NRXN2: variants seen among roughly 807,000 people sequenced by gnomAD.
The protein encoded by NRXN2 is neurexin 2, also known as neurexin-2-beta.
A neutral mutation model predicts 128.8 loss-of-function variants in NRXN2; 29 were observed. The ratio of observed to expected loss-of-function variants is 0.23; its 90% CI spans 0.17 to 0.31. The LOEUF (loss-of-function observed/expected upper bound fraction) is 0.31, where lower values mean the gene tolerates loss of function less well. Among genes scored for constraint, NRXN2 ranks in the 10% least tolerant of loss-of-function variants. The pLI, the probability that NRXN2 is intolerant of heterozygous loss-of-function variation, is 1.00. For synonymous variants in NRXN2, 1,098 were observed against 1,075.2 expected, an observed-to-expected ratio of 1.02 and a Z score of -0.41; for missense variants, 1,881 against 2,452.6, an observed-to-expected ratio of 0.77 and a Z score of 4.92.
At position 64,690,887 on chromosome 11, in the gene NRXN2, A is replaced by C. The variant is rs544243904; in HGVS notation, c.779-411T>G. ...CTCCATGAGGCACATTCTCCCCACCACTCTGCACCTTTGCTCACACCCTTT... is the reference window on the plus strand; with the variant it reads ...CTCCATGAGGCACATTCTCCCCACCCCTCTGCACCTTTGCTCACACCCTTT... On this transcript the variant is annotated intron_variant, in intron 4 of 22. Coordinates refer to ENST00000265459, the MANE Select transcript of NRXN2 (RefSeq NM_015080.4). Among the ~76,000 whole-genome samples the C allele has an allele frequency of 1.1e-4, 16 of 150,806 alleles. No homozygotes were observed. In the East Asian group the frequency reaches 2.9e-3, roughly 28 times the overall value.
In NRXN2 at chr11:64,607,391, G is replaced by A; in HGVS notation, c.4944C>T (p.Leu1648=). The A allele has an allele frequency of 6.2e-7, 1 of 1,612,866 alleles. No individual in the cohort carries two copies. The highest frequency in any genetic ancestry group is 8.5e-7 in the Non-Finnish European group (1 of 1,179,886). The change falls in exon 23 of 23, where the codon CTC becomes CTT. Residue 1648 remains leucine (L), a synonymous_variant. Coordinates refer to ENST00000265459, the MANE Select transcript of NRXN2 (RefSeq NM_015080.4). ...TGGCGTAGAGGAGGATGAGGATGCA[G>A]AGCGCCGCCGCCGCCACAATGCCCA... ...MVVGIVAAAA[L]CILILLYAMY... is the part of the protein sequence containing the mutation.
Position 64,651,751 on chromosome 11 carries a change from A to T in NRXN2, c.2537-115T>A, listed in dbSNP as rs2047485099. On this transcript the variant is annotated intron_variant, in intron 13 of 22. Transcript: ENST00000265459. This position sits in a 1 kb window ranked among gnomAD's most constrained non-coding sequence, Gnocchi z 5.9. ...CCACCCATGAGTGACATCTTTAGAG[A>T]TGTCCTCGGCTAGGCACTAGCAGCC... 2 of 1,211,902 alleles carry T rather than the reference A, an allele frequency of 1.7e-6. No individual in the cohort carries two copies. Among genetic ancestry groups the T allele is most frequent in the Non-Finnish European group, 2.3e-6 (2 of 851,290 alleles). 75.1% of individuals were successfully genotyped at this position (1,211,902 alleles called of 1,614,324 possible). A position where few individuals can be genotyped will look rare whatever the true frequency, so the allele number is the denominator to read the frequency against.
At chr11:64,655,354 T>G in intron 11 of NRXN2, among the ~76,000 whole-genome samples, 1 of 151,052 alleles carries the variant, frequency 6.6e-6, no homozygotes, top group Non-Finnish European at 1.5e-5. Context: ...AGGAATGAGG[T>G]AGAGAGAGTG....
chr11:64,630,293 T>C lies in NRXN2; in HGVS notation c.3757+109A>G. ...TCCAGTAGCCCCGCCCCAGAGCCGCTTAGCCCCGCCCCAGAGCCGCTTAGC... is the reference window on the plus strand; with the variant it reads ...TCCAGTAGCCCCGCCCCAGAGCCGCCTAGCCCCGCCCCAGAGCCGCTTAGC... On this transcript the variant is annotated intron_variant, in intron 19 of 22. Transcript: ENST00000265459. This position sits in a 1 kb window ranked among gnomAD's most constrained non-coding sequence, Gnocchi z 4.6. 2.8e-6 allele frequency: 3 copies of C among 1,064,600 alleles called. No homozygotes were observed. 65.9% of individuals were successfully genotyped at this position (1,064,600 alleles called of 1,614,324 possible).
chr11:64,713,513 G>C lies in NRXN2; in HGVS notation c.187C>G (p.Arg63Gly). The change falls in exon 2 of 23, where the codon CGC becomes GGC. Residue 63 changes from arginine to glycine, a missense_variant. Arg to Gly is a moderately radical substitution (Grantham distance 125). Coordinates refer to ENST00000265459, the MANE Select transcript of NRXN2 (RefSeq NM_015080.4). ...TCGTCCAGGTAGAGCAGCAGCGCGC[G>C]CGTGGCGTTGGTGCGCAGGCTGAAG... is the stretch of plus-strand genomic sequence containing the variant. The part of the protein sequence containing the change: ...LSFSLRTNAT[R>G]ALLLYLDDGG... The C allele has an allele frequency of 6.6e-7, 1 of 1,514,290 alleles. No homozygotes were observed. The highest frequency in any genetic ancestry group is 8.8e-7 in the Non-Finnish European group (1 of 1,139,644). 93.8% of individuals were successfully genotyped at this position (1,514,290 alleles called of 1,614,324 possible).
chr11:64,687,939 T>C (rs2053284876), intron 5 of NRXN2, among the ~76,000 whole-genome samples: 2 of 151,940 alleles, frequency 1.3e-5, no homozygotes, highest in Admixed American at 1.3e-4. Context: ...ACCAGGGGGC[T>C]CAAGGACCAG....
Position 64,648,243 on chromosome 11 carries a change from A to T in NRXN2, c.3379T>A (p.Tyr1127Asn). The change falls in exon 17 of 23, where the codon TAT (tyrosine) becomes AAT (asparagine). Residue 1127 changes from tyrosine (Y) to asparagine (N), a missense_variant. Tyr to Asn is a moderately radical substitution (Grantham distance 143). This residue lies in a region of NRXN2 where 390 missense variants were observed against 599.6 expected (regional missense o/e 0.65). Coordinates refer to ENST00000265459, the MANE Select transcript of NRXN2 (RefSeq NM_015080.4). The surrounding 1 kb of genome is among the most constrained non-coding windows in gnomAD (Gnocchi z 4.1). ...GFTCDCTMTS[Y>N]GGPVCNDPGT... is the part of the protein sequence containing the mutation. ...CGATCATTGCAGACAGGGCCTCCAT[A>T]GGAAGTCATGGTGCAGTCGCAGGTG... The T allele has an allele frequency of 6.2e-7, 1 of 1,614,212 alleles. No homozygotes were observed. Among genetic ancestry groups the T allele is most frequent in the South Asian group, 1.1e-5 (1 of 91,090 alleles).
chr11:64,701,474 C>T (rs2055342896), intron 2 of NRXN2, among the ~76,000 whole-genome samples: 1 of 152,188 alleles, frequency 6.6e-6, no homozygotes, highest in Admixed American at 6.5e-5. Flanking sequence ...TACAATGGTT[C>T]GCGCCTATAA....
chr11:64,686,939 AAGAAGT>A (rs2053139393), intron 5 of NRXN2, among the ~76,000 whole-genome samples: 1 of 152,184 alleles, frequency 6.6e-6, no homozygotes, highest in Non-Finnish European at 1.5e-5. Flanking sequence ...CAGTAGTACC[AAGAAGT>A]TGAGGTTTCT....
intron 22 of NRXN2, among the ~76,000 whole-genome samples, chr11:64,608,293 C>CG (rs1261480513): frequency 6.6e-6 from 1 of 152,078 alleles, no homozygotes; most frequent in Non-Finnish European, 1.5e-5. Context: ...ACCCCACGCA[C>CG]GGGCTCTGTG....
At chr11:64,626,648 G>A in intron 19 of NRXN2, 96 bp from the exon 20 acceptor site, 3 of 883,682 alleles carry the variant, frequency 3.4e-6, no homozygotes, top group Middle Eastern at 4.3e-4. Context: ...CTCAGAGTAA[G>A]CAGCAACATC....
Position 64,695,367 on chromosome 11 carries a change from G to A in NRXN2, c.748+2408C>T, listed in dbSNP as rs1014554006. 4.6e-5 allele frequency among the ~76,000 whole-genome samples: 7 copies of A among 152,228 alleles called. No individual in the cohort carries two copies. In the East Asian group the frequency reaches 7.7e-4, roughly 17 times the overall value. On this transcript the variant is annotated intron_variant, in intron 3 of 22. Coordinates refer to ENST00000265459, the MANE Select transcript of NRXN2 (RefSeq NM_015080.4). The stretch of plus-strand genomic sequence containing the variant: ...GGCTGGGAGGAAAAAGGAGGTGTTC[G>A]GCAGGGGTGCAGAGCAGGATCTTGG...
intron 2 of NRXN2, among the ~76,000 whole-genome samples, chr11:64,699,029 G>A (rs529244865): frequency 3.9e-5 from 6 of 152,126 alleles, no homozygotes; most frequent in Admixed American, 3.3e-4. Context: ...TCACACTCAC[G>A]CATGCACACA....
rs745447066 is a variant in NRXN2 at position 64,607,259 on chromosome 11, G to A, written c.5076C>T (p.Ala1692=). Residue 1692 remains alanine, a synonymous_variant, in exon 23 of 23, where the codon GCC becomes GCT. Coordinates refer to ENST00000265459, the MANE Select transcript of NRXN2 (RefSeq NM_015080.4). ...TGCTGGGCGTCTTGGGGGCAGCCGG[G>A]GCCTTCTCTTTCACCACCGCCCCAT... ...QSNGAVVKEK[A]PAAPKTPSKA... The A allele has an allele frequency of 6.2e-7, 1 of 1,613,890 alleles. No homozygotes were observed. Among genetic ancestry groups the A allele is most frequent in the Non-Finnish European group, 8.5e-7 (1 of 1,179,936 alleles).
At position 64,660,295 on chromosome 11, in the gene NRXN2, A is replaced by G; in HGVS notation, c.2389+37T>C. The G allele has an allele frequency of 1.2e-6, 2 of 1,603,902 alleles. No homozygotes were observed. The highest frequency in any genetic ancestry group is 1.1e-5 in the South Asian group (1 of 90,836). Reference sequence around the variant, plus strand: ...GCAGGTGTGGGTCAGAGACAAGGCCAGGTGAGGGGTCAGGAAGCACAGGGC... The same window carrying G: ...GCAGGTGTGGGTCAGAGACAAGGCCGGGTGAGGGGTCAGGAAGCACAGGGC... On this transcript the variant is annotated intron_variant, in intron 11 of 22. Coordinates refer to ENST00000265459, the MANE Select transcript of NRXN2 (RefSeq NM_015080.4). This position sits in a 1 kb window ranked among gnomAD's most constrained non-coding sequence, Gnocchi z 5.2.
At chr11:64,691,812 C>T (rs1362770214) in intron 4 of NRXN2, among the ~76,000 whole-genome samples, 3 of 152,230 alleles carry the variant, frequency 2.0e-5, no homozygotes, top group African/African-American at 7.2e-5. Context: ...AGACCTAAAT[C>T]CATCCCAAAT....
At chr11:64,653,959 T>G (rs2047885634) in intron 11 of NRXN2, among the ~76,000 whole-genome samples, 1 of 151,950 alleles carries the variant, frequency 6.6e-6, no homozygotes, top group South Asian at 2.1e-4. Context: ...GGCAGTCAGA[T>G]GATGGGAAGA....
chr11:64,660,686 A>G lies in NRXN2; in HGVS notation c.2185+67T>C. 1 of 1,599,476 alleles carries G rather than the reference A, an allele frequency of 6.3e-7. No homozygotes were observed. The highest frequency in any genetic ancestry group is 8.5e-7 in the Non-Finnish European group (1 of 1,176,392). ...AGGTGGCACAGGGATGGAAAGTAGG[A>G]GTCACCCTGAGAAGGAGGAGCACAG... On this transcript the variant is annotated intron_variant, in intron 10 of 22. Transcript: ENST00000265459. The surrounding 1 kb of genome is among the most constrained non-coding windows in gnomAD (Gnocchi z 5.2).
chr11:64,630,675 A>C lies in NRXN2; in HGVS notation c.3586-102T>G. ...CCACTAGCCCAGCTCCGCAGCACTT[A>C]AGGCACCTTTCCCAGGTCTCAACCG... On this transcript the variant is annotated intron_variant, in intron 18 of 22. Coordinates refer to ENST00000265459, the MANE Select transcript of NRXN2 (RefSeq NM_015080.4). The surrounding 1 kb of genome is among the most constrained non-coding windows in gnomAD (Gnocchi z 4.6). 1 of 1,358,280 alleles carries C rather than the reference A, an allele frequency of 7.4e-7. No homozygotes were observed. The highest frequency in any genetic ancestry group is 1.0e-6 in the Non-Finnish European group (1 of 970,678). 84.1% of individuals were successfully genotyped at this position (1,358,280 alleles called of 1,614,324 possible).
Sources: allele counts gnomAD v4.1 joint callset (sites outside exome capture counted in the v4.1 genomes callset), GRCh38; gene constraint gnomAD v4.1.1; regional missense constraint gnomAD v4.1.1; non-coding constraint Gnocchi (gnomAD v3.1); transcripts MANE v1.5; gene names NCBI Gene and HGNC (gene_info 2026-07-23, HGNC 2026-07-21).